The following MTMR14 variants were observed in gnomAD, a reference collection of about 807,000 sequenced individuals.
The protein encoded by MTMR14 is myotubularin related protein 14.
In MTMR14, 48 loss-of-function variants were observed where a neutral mutation model predicts 86.3. That is an observed-to-expected ratio of 0.56 (90% CI 0.44 to 0.71). The LOEUF is 0.71. Among genes scored for constraint, MTMR14 ranks in the 30% least tolerant of loss-of-function variants. The pLI is 0.00. For missense variants in MTMR14, 780 were observed against 834.6 expected (o/e 0.93, Z 0.81); for synonymous variants, 366 against 326.1 (o/e 1.12, Z -1.32).
In MTMR14 at chr3:9,688,095, T is replaced by C. The variant is rs564822612; in HGVS notation, c.1235+204T>C. Among the ~76,000 whole-genome samples the C allele has an allele frequency of 1.4e-4, 21 of 152,230 alleles. 1 individual carries two copies. In the South Asian group the frequency reaches 4.1e-3, roughly 30 times the overall value. On this transcript the variant is annotated intron_variant, in intron 14 of 18. Coordinates refer to ENST00000296003, the MANE Select transcript of MTMR14 (RefSeq NM_001077525.3). ...AGAGGCTCTTCTGCAGGGAAGGCCA[T>C]GTGGGGGTCAACTTGGAGTCACACT...
chr3:9,701,327 C>T lies in MTMR14; in HGVS notation c.1770-463C>T, dbSNP rs112806181. On this transcript the variant is annotated intron_variant, in intron 18 of 18. Coordinates refer to ENST00000296003, the MANE Select transcript of MTMR14 (RefSeq NM_001077525.3). The surrounding 1 kb of genome is among the most constrained non-coding windows in gnomAD (Gnocchi z 4.2). ...CGCCTGTAATCCCAGTACTGTGGGACGCCAAGGCAGGCGGATCAGTTGAGT... is the reference window on the plus strand; with the variant it reads ...CGCCTGTAATCCCAGTACTGTGGGATGCCAAGGCAGGCGGATCAGTTGAGT... 11 of 231,418 alleles carry T rather than the reference C, an allele frequency of 4.8e-5. No individual in the cohort carries two copies. The highest frequency in any genetic ancestry group is 1.1e-4 in the East Asian group (1 of 9,336). The allele number at this position is 231,418 out of a possible 1,614,324, so 14.3% of individuals were successfully genotyped here.
intron 9 of MTMR14, among the ~76,000 whole-genome samples, chr3:9,678,272 T>C (rs2075649498): frequency 6.6e-6 from 1 of 152,242 alleles, no homozygotes; most frequent in African/African-American, 2.4e-5. Flanking sequence ...CAAAGCTTTC[T>C]GAACGTGACT....
At chr3:9,676,508 G>T (rs2075583330) in intron 7 of MTMR14, among the ~76,000 whole-genome samples, 1 of 152,252 alleles carries the variant, frequency 6.6e-6, no homozygotes, top group African/African-American at 2.4e-5. Flanking sequence ...GCTGCCATTT[G>T]AGTGTCACTT....
intron 17 of MTMR14, among the ~76,000 whole-genome samples, chr3:9,691,701 G>A (rs999173707): frequency 6.6e-6 from 1 of 152,192 alleles, no homozygotes; most frequent in African/African-American, 2.4e-5. Flanking sequence ...TCTCACAGGT[G>A]ACTTTCTGCT....
intron 11 of MTMR14, 63 bp downstream of exon 11, chr3:9,684,733 A>G: frequency 6.3e-7 from 1 of 1,583,960 alleles, no homozygotes; most frequent in East Asian, 2.2e-5. Context: ...GTCTCCAGAC[A>G]GAGGGTGGAG....
chr3:9,650,502 G>T (rs1413129436), intron 1 of MTMR14: 1 of 394,204 alleles, frequency 2.5e-6, no homozygotes, highest in East Asian at 7.3e-5. Flanking sequence ...CTGCACCACA[G>T]AACTCTGATT....
intron 2 of MTMR14, among the ~76,000 whole-genome samples, chr3:9,658,432 G>T (rs1475027611): frequency 6.6e-6 from 1 of 152,206 alleles, no homozygotes; most frequent in Non-Finnish European, 1.5e-5. Flanking sequence ...CTGTGTAGTA[G>T]ACCTCAGGGA....
chr3:9,684,749 G>A, intron 11 of MTMR14, 79 bp downstream of exon 11: 7 of 1,567,120 alleles, frequency 4.5e-6, no homozygotes, highest in Non-Finnish European at 5.3e-6. Flanking sequence ...TGGAGCAGGG[G>A]ATGCCATCGC....
intron 18 of MTMR14, chr3:9,700,388 G>A (rs1303098226): frequency 1.3e-5 from 2 of 152,222 alleles, no homozygotes; most frequent in African/African-American, 4.8e-5. Flanking sequence ...ACCCATTGGG[G>A]GAACACTATG....
chr3:9,677,289 A>G lies in MTMR14; in HGVS notation c.752-28A>G. The G allele has an allele frequency of 1.9e-6, 3 of 1,606,444 alleles. No individual in the cohort carries two copies. The highest frequency in any genetic ancestry group is 2.6e-6 in the Non-Finnish European group (3 of 1,173,062). ...AGAAGACTTTGGGCTGGGAAGGGAGATGTCATAACTCTGCCCTTCTTTTCC... is the reference window on the plus strand; with the variant it reads ...AGAAGACTTTGGGCTGGGAAGGGAGGTGTCATAACTCTGCCCTTCTTTTCC... On this transcript the variant is annotated intron_variant, in intron 7 of 18. Transcript: ENST00000296003. The surrounding 1 kb of genome is among the most constrained non-coding windows in gnomAD (Gnocchi z 4.2).
chr3:9,661,715 G>A (rs2047944195), intron 2 of MTMR14, among the ~76,000 whole-genome samples: 1 of 151,860 alleles, frequency 6.6e-6, no homozygotes, highest in Non-Finnish European at 1.5e-5. Context: ...TATGTCTTCA[G>A]TTTAGCTCAC....
At chr3:9,686,766 T>A (rs1246915717) in intron 13 of MTMR14, among the ~76,000 whole-genome samples, 1 of 152,196 alleles carries the variant, frequency 6.6e-6, no homozygotes, top group Admixed American at 6.5e-5. Context: ...GCTCGTGGGA[T>A]GCCAAGTAGG....
chr3:9,674,293 A>T (rs2048734260), intron 7 of MTMR14, among the ~76,000 whole-genome samples: 1 of 152,102 alleles, frequency 6.6e-6, no homozygotes. Flanking sequence ...TTGTTACAGG[A>T]CTCCCAAAAT....
intron 16 of MTMR14, 26 bp from the exon 17 acceptor site, chr3:9,689,938 T>C (rs761423460): frequency 8.7e-6 from 14 of 1,600,486 alleles, no homozygotes; most frequent in Non-Finnish European, 1.1e-5. Flanking sequence ...GGCCCCCGGC[T>C]CACAGCCCTG....
intron 1 of MTMR14, among the ~76,000 whole-genome samples, chr3:9,651,646 C>G (rs1324619224): frequency 6.6e-6 from 1 of 152,098 alleles, no homozygotes; most frequent in Non-Finnish European, 1.5e-5. Flanking sequence ...TGAGATAACT[C>G]ACTACCTTTG....
intron 9 of MTMR14, among the ~76,000 whole-genome samples, chr3:9,682,056 AC>A (rs1351424751): frequency 1.3e-5 from 2 of 152,186 alleles, no homozygotes; most frequent in Non-Finnish European, 2.9e-5. Context: ...TGGGCTTGGT[AC>A]AGTGCAGCTC....
At position 9,649,675 on chromosome 3, in the gene MTMR14, A is replaced by T. The variant is rs1037528457; in HGVS notation, c.92A>T (p.Glu31Val). 6 of 1,606,488 alleles carry T rather than the reference A, an allele frequency of 3.7e-6. No homozygotes were observed. Among genetic ancestry groups the T allele is most frequent in the Non-Finnish European group, 4.2e-6 (5 of 1,176,946 alleles). Residue 31 changes from glutamate (E) to valine (V), a missense_variant, in exon 1 of 19, where the codon GAG becomes GTG. Glu to Val is a moderately radical substitution (Grantham distance 121). Transcript: ENST00000296003. The stretch of plus-strand genomic sequence containing the variant: ...CCGCCTCAGGAGCTGGGGCTTGGGG[A>T]GCTGCTGGAGGAGTTCTCCCGGACT... Reference protein sequence around the residue: ...NQPPQELGLGELLEEFSRTQY... With the variant: ...NQPPQELGLGVLLEEFSRTQY...
At position 9,689,981 on chromosome 3, in the gene MTMR14, C is replaced by A. The variant is rs1335592450; in HGVS notation, c.1451C>A (p.Ser484Tyr). 1 of 1,610,904 alleles carries A rather than the reference C, an allele frequency of 6.2e-7. No homozygotes were observed. Among genetic ancestry groups the A allele is most frequent in the East Asian group, 2.2e-5 (1 of 44,884 alleles). ...TQAAWRKSHSSSPQSVLWNRP... is the reference protein window; with the variant it reads ...TQAAWRKSHSYSPQSVLWNRP... ...CACTGCAGGAGGAAGAGCCACTCAT[C>A]CTCTCCACAGAGTGTCCTCTGGAAC... is the stretch of plus-strand genomic sequence containing the variant. The change falls in exon 17 of 19, where the codon TCC (serine) becomes TAC (tyrosine). Residue 484 changes from serine to tyrosine, a missense_variant. Transcript: ENST00000296003.
intron 5 of MTMR14, among the ~76,000 whole-genome samples, 158 bp downstream of exon 5, chr3:9,669,650 T>C (rs915553915): frequency 1.3e-5 from 2 of 152,220 alleles, no homozygotes; most frequent in Non-Finnish European, 1.5e-5. Context: ...CCCTGAAATA[T>C]GGCTGTTGAA....
Sources: gnomAD v4.1 joint callset for allele counts (sites outside exome capture counted in the v4.1 genomes callset) on GRCh38, gnomAD v4.1.1 for gene constraint, Gnocchi (gnomAD v3.1) non-coding constraint, MANE v1.5 for transcripts, NCBI Gene and HGNC (gene_info 2026-07-23, HGNC 2026-07-21) for gene names.